The following CSMD1 variants were observed in gnomAD, a reference collection of about 807,000 sequenced individuals.
The protein encoded by CSMD1 is CUB and Sushi multiple domains 1, also known as CUB and sushi domain-containing protein 1.
Under a neutral mutation model 417.5 loss-of-function variants are expected in CSMD1, and 213 were observed. The ratio of observed to expected loss-of-function variants is 0.51; its 90% CI spans 0.46 to 0.57. The LOEUF (loss-of-function observed/expected upper bound fraction) is 0.57. CSMD1 is among the 20% of genes least tolerant of loss of function. The pLI is 0.00. For synonymous variants in CSMD1, 2,862 were observed against 1,736.8 expected, an observed-to-expected ratio of 1.65 and a Z score of -16.11; for missense variants, 6,923 against 4,529.7, an observed-to-expected ratio of 1.53 and a Z score of -15.17.
intron 1 of CSMD1, among the ~76,000 whole-genome samples, chr8:4,811,731 G>C (rs1315974514): frequency 6.6e-6 from 1 of 151,614 alleles, no homozygotes; most frequent in African/African-American, 2.4e-5. Flanking sequence ...CATTTTTTTT[G>C]CTTCGTTTAA....
At chr8:3,763,737 C>G (rs1798129356) in intron 5 of CSMD1, among the ~76,000 whole-genome samples, 1 of 152,116 alleles carries the variant, frequency 6.6e-6, no homozygotes, top group South Asian at 2.1e-4. Flanking sequence ...TGTACAGAAA[C>G]TAGATAAGTG....
chr8:3,868,502 A>T (rs576827242), intron 5 of CSMD1, among the ~76,000 whole-genome samples: 2 of 152,106 alleles, frequency 1.3e-5, no homozygotes, highest in East Asian at 1.9e-4. Flanking sequence ...GACACAAAGA[A>T]CACTTACCAA....
intron 1 of CSMD1, among the ~76,000 whole-genome samples, chr8:4,846,193 C>A (rs1442624632): frequency 2.0e-5 from 3 of 152,204 alleles, no homozygotes; most frequent in Non-Finnish European, 2.9e-5. Flanking sequence ...AGTACCAACA[C>A]ATGTCCAGGA....
chr8:4,515,499 G>A (rs1803065714), intron 2 of CSMD1, among the ~76,000 whole-genome samples: 1 of 152,146 alleles, frequency 6.6e-6, no homozygotes, highest in Non-Finnish European at 1.5e-5. Context: ...TGAGCTTAAA[G>A]AAATACACGG....
intron 5 of CSMD1, among the ~76,000 whole-genome samples, chr8:3,901,203 C>T (rs948940721): frequency 2.0e-4 from 31 of 152,082 alleles, no homozygotes; most frequent in African/African-American, 6.3e-4. Flanking sequence ...ATCATTCTTC[C>T]TGGCCAATAG....
At chr8:3,228,347 C>A (rs1353698133) in intron 27 of CSMD1, among the ~76,000 whole-genome samples, 1 of 152,184 alleles carries the variant, frequency 6.6e-6, no homozygotes, top group Non-Finnish European at 1.5e-5. Flanking sequence ...AGGACATAAA[C>A]CTCATTCCTA....
chr8:3,395,336 G>C (rs545880065), intron 17 of CSMD1, among the ~76,000 whole-genome samples: 1 of 152,284 alleles, frequency 6.6e-6, no homozygotes, highest in Non-Finnish European at 1.5e-5. Context: ...GCTACTCTTT[G>C]AGGGAAGTGT....
chr8:3,311,965 A>AATC (rs1805385530), intron 23 of CSMD1, among the ~76,000 whole-genome samples: 1 of 152,186 alleles, frequency 6.6e-6, no homozygotes, highest in Non-Finnish European at 1.5e-5. Flanking sequence ...TAAAGACTTC[A>AATC]ATCAAAAAAG....
intron 51 of CSMD1, among the ~76,000 whole-genome samples, chr8:3,026,836 G>C (rs184365595): frequency 1.3e-4 from 20 of 152,298 alleles, no homozygotes; most frequent in African/African-American, 4.8e-4. Context: ...AAACCCCTGA[G>C]AACAGTTGCC....
At chr8:4,854,864 C>A (rs866500019) in intron 1 of CSMD1, among the ~76,000 whole-genome samples, 6 of 152,296 alleles carry the variant, frequency 3.9e-5, no homozygotes, top group Middle Eastern at 3.4e-3. Context: ...CCCAGGCTTG[C>A]TTAGGTAAAC....
rs183083601 is a variant in CSMD1, at chr8:3,199,617, A to T, written c.5194+97T>A. The T allele has an allele frequency of 4.6e-4, 251 of 546,950 alleles. 1 individual carries two copies. The highest frequency in any genetic ancestry group is 4.5e-3 in the African/African-American group (233 of 51,918). 33.9% of individuals were successfully genotyped at this position (546,950 alleles called of 1,614,324 possible). On this transcript the variant is annotated intron_variant, in intron 33 of 69. Transcript: ENST00000635120. ...AGCTCCTTAAATATTACAAAAATGC[A>T]GCTGAGATGTTTTGAGTGCTTTGTC...
chr8:4,067,788 C>G (rs1053304881), intron 3 of CSMD1, among the ~76,000 whole-genome samples: 1 of 152,076 alleles, frequency 6.6e-6, no homozygotes, highest in Admixed American at 6.6e-5. Context: ...AACAGAATTA[C>G]TAAAATGGGG....
At chr8:3,317,503 T>A (rs1405265828) in intron 23 of CSMD1, among the ~76,000 whole-genome samples, 1 of 152,198 alleles carries the variant, frequency 6.6e-6, no homozygotes, top group Non-Finnish European at 1.5e-5. Context: ...TTTTCCCAAT[T>A]AAGTGTTTGT....
At chr8:4,230,018 A>G (rs1233100802) in intron 3 of CSMD1, among the ~76,000 whole-genome samples, 1 of 152,224 alleles carries the variant, frequency 6.6e-6, no homozygotes, top group Admixed American at 6.5e-5. Flanking sequence ...TGATTTTGCT[A>G]TTCAACATTT....
chr8:3,354,611 T>C (rs1286533022), intron 21 of CSMD1, among the ~76,000 whole-genome samples: 1 of 152,040 alleles, frequency 6.6e-6, no homozygotes, highest in East Asian at 1.9e-4. Context: ...CACAAAATGG[T>C]ACTATTTTTA....
intron 10 of CSMD1, among the ~76,000 whole-genome samples, chr8:3,558,728 C>G (rs574340552): frequency 4.0e-5 from 6 of 150,598 alleles, no homozygotes; most frequent in Non-Finnish European, 7.4e-5. Flanking sequence ...TCAGTAGTAC[C>G]CCGTGTTCAC....
chr8:3,312,970 C>A (rs1051511061), intron 23 of CSMD1, among the ~76,000 whole-genome samples: 7 of 152,172 alleles, frequency 4.6e-5, no homozygotes, highest in African/African-American at 1.4e-4. Flanking sequence ...AGAATATAAT[C>A]ATTGTTTCCT....
chr8:4,131,212 T>C (rs2130980466), intron 3 of CSMD1, among the ~76,000 whole-genome samples: 1 of 152,274 alleles, frequency 6.6e-6, no homozygotes, highest in South Asian at 2.1e-4. Context: ...GAGACGCCAT[T>C]TCTATAAGTA....
At chr8:4,479,678 G>A (rs982787298) in intron 2 of CSMD1, among the ~76,000 whole-genome samples, 1 of 152,064 alleles carries the variant, frequency 6.6e-6, no homozygotes, top group Non-Finnish European at 1.5e-5. Context: ...GGTAGACCAC[G>A]AGGTCAGGAG....
Sources: allele counts gnomAD v4.1 joint callset (sites outside exome capture counted in the v4.1 genomes callset), GRCh38; gene constraint gnomAD v4.1.1; transcripts MANE v1.5; gene names NCBI Gene and HGNC (gene_info 2026-07-23, HGNC 2026-07-21).